The following SYNE1 variants were observed in gnomAD, a reference collection of about 807,000 sequenced individuals.
SYNE1 encodes spectrin repeat containing nuclear envelope protein 1, also known as nesprin-1.
In SYNE1, 616 loss-of-function variants were observed where a neutral mutation model predicts 1,111.0. That is an observed-to-expected ratio of 0.55 (90% CI 0.52 to 0.59). The LOEUF (loss-of-function observed/expected upper bound fraction) is 0.59. SYNE1 is among the 20% of genes least tolerant of loss of function. The pLI is 0.00. For synonymous variants in SYNE1, 3,855 were observed against 3,825.8 expected, an observed-to-expected ratio of 1.01 and a Z score of -0.28; for missense variants, 10,006 against 10,417.0, an observed-to-expected ratio of 0.96 and a Z score of 1.72.
intron 3 of SYNE1, among the ~76,000 whole-genome samples, chr6:152,623,682 A>G (rs926941935): frequency 3.9e-5 from 6 of 152,138 alleles, no homozygotes; most frequent in African/African-American, 1.4e-4. Flanking sequence ...AAAAATCACA[A>G]TGCCATTAAA....
Position 152,427,773 on chromosome 6 carries a change from C to T in SYNE1, c.5020G>A (p.Gly1674Ser). ...TCTGGGGAACTGGCTTTAGCTTCAC[C>T]CCGCTCTAACCAGGTCAAAAAGGAT... ...LSSFLTWLER[G>S]EAKASSPEMD... is the part of the protein sequence containing the mutation. Residue 1674 changes from glycine (G) to serine (S), a missense_variant, in exon 38 of 146, where the codon GGT (glycine) becomes AGT (serine). Gly to Ser is a moderately conservative substitution (Grantham distance 56). Coordinates refer to ENST00000367255, the MANE Select transcript of SYNE1 (RefSeq NM_182961.4). 6.2e-7 allele frequency: 1 copy of T among 1,614,076 alleles called. No homozygotes were observed. The highest frequency in any genetic ancestry group is 8.5e-7 in the Non-Finnish European group (1 of 1,180,012).
intron 18 of SYNE1, 145 bp from the exon 19 acceptor site, chr6:152,463,662 T>A: frequency 1.3e-6 from 1 of 785,510 alleles, no homozygotes; most frequent in South Asian, 1.6e-5. Context: ...AAAATGCACA[T>A]TTTTGATAAA....
chr6:152,162,095 T>C (rs1459119373), intron 131 of SYNE1, among the ~76,000 whole-genome samples: 1 of 152,232 alleles, frequency 6.6e-6, no homozygotes, highest in African/African-American at 2.4e-5. Context: ...CAGAGTTCCC[T>C]GGCTGGCTGG....
chr6:152,471,233 A>G (rs557634160), intron 16 of SYNE1, among the ~76,000 whole-genome samples: 1 of 152,210 alleles, frequency 6.6e-6, no homozygotes, highest in African/African-American at 2.4e-5. Flanking sequence ...ATTTTAAAAG[A>G]CATGAAGGTA....
intron 126 of SYNE1, among the ~76,000 whole-genome samples, chr6:152,204,935 T>A (rs1376513460): frequency 2.0e-5 from 3 of 152,040 alleles, no homozygotes; most frequent in African/African-American, 7.2e-5. Flanking sequence ...ACAGGATGAG[T>A]TACAATGTTT....
At chr6:152,225,575 G>A (rs919576734) in intron 116 of SYNE1, 146 bp downstream of exon 116, 18 of 875,302 alleles carry the variant, frequency 2.1e-5, no homozygotes, top group African/African-American at 3.4e-5. Context: ...AAAAAAAAAA[G>A]AGGATAACGA....
intron 70 of SYNE1, among the ~76,000 whole-genome samples, chr6:152,351,471 CA>C (rs2096739574): frequency 6.6e-6 from 1 of 152,216 alleles, no homozygotes; most frequent in African/African-American, 2.4e-5. Context: ...ATAATTGCTT[CA>C]AAAATTTGAG....
chr6:152,127,464 T>C (rs974847836), intron 145 of SYNE1: 4 of 152,226 alleles, frequency 2.6e-5, no homozygotes, highest in African/African-American at 4.8e-5. Flanking sequence ...ATCTGTATAA[T>C]GATACCAAGG....
intron 3 of SYNE1, among the ~76,000 whole-genome samples, chr6:152,550,814 C>A (rs1017361905): frequency 6.6e-6 from 1 of 151,846 alleles, no homozygotes; most frequent in Non-Finnish European, 1.5e-5. Flanking sequence ...GTATGTGCAC[C>A]GTATCACGTT....
chr6:152,399,385 A>G (rs2032250964), intron 48 of SYNE1, among the ~76,000 whole-genome samples: 1 of 152,230 alleles, frequency 6.6e-6, no homozygotes, highest in Admixed American at 6.5e-5. Flanking sequence ...AATCATCAAG[A>G]TGGTGAACTC....
At chr6:152,275,769 T>C (rs1338764442) in intron 98 of SYNE1, among the ~76,000 whole-genome samples, 1 of 150,848 alleles carries the variant, frequency 6.6e-6, no homozygotes. Context: ...TAGTCCCAGC[T>C]ACTCAGGAGG....
intron 3 of SYNE1, among the ~76,000 whole-genome samples, chr6:152,553,272 C>T (rs190066712): frequency 2.0e-5 from 3 of 152,240 alleles, no homozygotes; most frequent in Non-Finnish European, 2.9e-5. Context: ...TCTACTCTCA[C>T]GTCCAAATTG....
At chr6:152,258,749 CT>C (rs66714244) in intron 101 of SYNE1, among the ~76,000 whole-genome samples, 11,526 of 144,108 alleles carry the variant, frequency 0.08, 446 homozygotes, top group East Asian at 0.13. Context: ...TTTTCTTCTT[CT>C]TTTTTTTTTT....
rs1357825220 is a variant in SYNE1 at position 152,433,897 on chromosome 6, A to G, written c.4359T>C (p.Ser1453=). 1 of 1,613,768 alleles carries G rather than the reference A, an allele frequency of 6.2e-7. No homozygotes were observed. ...TCCAGACGGACAGAGTCTCAAAATTACTGCCAAAATGATCCCACTTGGTTT... is the reference window on the plus strand; with the variant it reads ...TCCAGACGGACAGAGTCTCAAAATTGCTGCCAAAATGATCCCACTTGGTTT... The part of the protein sequence containing the change: ...MVKTKWDHFG[S]NFETLSVWIT... Residue 1453 remains serine, a synonymous_variant, in exon 34 of 146, where the codon AGT becomes AGC. Coordinates refer to ENST00000367255, the MANE Select transcript of SYNE1 (RefSeq NM_182961.4).
At chr6:152,485,825 A>C (rs889275930) in intron 12 of SYNE1, among the ~76,000 whole-genome samples, 32 of 152,322 alleles carry the variant, frequency 2.1e-4, no homozygotes, top group Admixed American at 3.9e-4. Context: ...CGTGAAGAAC[A>C]CTGGGGGGAG....
At chr6:152,177,410 ATTT>A (rs1468149403) in intron 129 of SYNE1, among the ~76,000 whole-genome samples, 2 of 152,132 alleles carry the variant, frequency 1.3e-5, no homozygotes, top group African/African-American at 4.8e-5. Context: ...CAACTTTTTT[ATTT>A]TTGGCTTAAG....
At chr6:152,353,220 T>C in intron 69 of SYNE1, 43 bp downstream of exon 69, 3 of 1,612,610 alleles carry the variant, frequency 1.9e-6, no homozygotes, top group Non-Finnish European at 2.5e-6. Context: ...GGCAGCTTGG[T>C]GAACGGAAAG....
chr6:152,323,780 AC>A (rs764753443), intron 81 of SYNE1, 43 bp from the exon 82 acceptor site: 8 of 1,609,910 alleles, frequency 5.0e-6, no homozygotes, highest in African/African-American at 1.3e-5. Flanking sequence ...TAATAAATAA[AC>A]TGAAAAAAAT....
chr6:152,207,228 G>T (rs2076683436), intron 125 of SYNE1, among the ~76,000 whole-genome samples: 1 of 152,134 alleles, frequency 6.6e-6, no homozygotes, highest in Non-Finnish European at 1.5e-5. Flanking sequence ...GATGGGAAAG[G>T]GAGAAAAGTT....
Sources: allele counts gnomAD v4.1 joint callset (sites outside exome capture counted in the v4.1 genomes callset), GRCh38; gene constraint gnomAD v4.1.1; transcripts MANE v1.5; gene names NCBI Gene and HGNC (gene_info 2026-07-23, HGNC 2026-07-21).